The following CPNE4 variants were observed in gnomAD, a reference collection of about 807,000 sequenced individuals.
CPNE4 encodes the protein copine-4.
A neutral mutation model predicts 67.9 loss-of-function variants in CPNE4; 25 were observed. That is an observed-to-expected ratio of 0.37 (90% confidence interval 0.27 to 0.51). CPNE4 has a LOEUF of 0.51. Ranked by LOEUF, CPNE4 falls within the 20% of genes least tolerant of loss-of-function variation. CPNE4 has a pLI of 0.93. For missense variants in CPNE4, 464 were observed against 690.8 expected (o/e 0.67, Z 3.68); for synonymous variants, 242 against 244.9 (o/e 0.99, Z 0.11).
intron 10 of CPNE4, among the ~76,000 whole-genome samples, chr3:131,574,064 G>A (rs1047325674): frequency 3.9e-5 from 6 of 151,938 alleles, no homozygotes; most frequent in Admixed American, 6.6e-5. Context: ...CATCTTCCTT[G>A]GTTCCAGGAA....
intron 2 of CPNE4, among the ~76,000 whole-genome samples, chr3:131,750,751 T>A (rs2082606029): frequency 6.6e-6 from 1 of 152,124 alleles, no homozygotes; most frequent in Non-Finnish European, 1.5e-5. Flanking sequence ...TGCCTTTCCT[T>A]CCTTTTTTGA....
chr3:131,943,284 T>C (rs1003997995), intron 1 of CPNE4, among the ~76,000 whole-genome samples: 2 of 152,148 alleles, frequency 1.3e-5, no homozygotes, highest in Non-Finnish European at 2.9e-5. Flanking sequence ...TCCACTGAGT[T>C]CAGAAGTCTG....
At chr3:131,580,197 G>A (rs1559931699) in intron 9 of CPNE4, among the ~76,000 whole-genome samples, 1 of 152,040 alleles carries the variant, frequency 6.6e-6, no homozygotes, top group East Asian at 1.9e-4. Flanking sequence ...TATGACTGTT[G>A]CATTTTTTAG....
At chr3:131,627,382 T>TGAAGG (rs2079106784) in intron 7 of CPNE4, among the ~76,000 whole-genome samples, 7 of 152,292 alleles carry the variant, frequency 4.6e-5, no homozygotes, top group African/African-American at 1.7e-4. Flanking sequence ...TTCATAATAT[T>TGAAGG]ACTGCTCATT....
At chr3:131,962,184 T>C (rs1361956340) in intron 1 of CPNE4, among the ~76,000 whole-genome samples, 2 of 152,342 alleles carry the variant, frequency 1.3e-5, no homozygotes, top group Non-Finnish European at 1.5e-5. Context: ...TATGATCCCA[T>C]AGCAAGTTGT....
At chr3:131,783,372 T>C (rs1243836986) in intron 2 of CPNE4, among the ~76,000 whole-genome samples, 1 of 152,080 alleles carries the variant, frequency 6.6e-6, no homozygotes, top group South Asian at 2.1e-4. Flanking sequence ...TAAATCTTGA[T>C]GGGGGATTTT....
intron 2 of CPNE4, among the ~76,000 whole-genome samples, chr3:131,844,272 T>C (rs2085910064): frequency 6.6e-6 from 1 of 151,506 alleles, no homozygotes; most frequent in Non-Finnish European, 1.5e-5. Context: ...TTTTTTTTTT[T>C]TTTTCCGAGA....
intron 2 of CPNE4, among the ~76,000 whole-genome samples, chr3:131,785,440 G>A (rs893761698): frequency 1.3e-5 from 2 of 151,882 alleles, no homozygotes; most frequent in African/African-American, 4.8e-5. Flanking sequence ...CTACTGTGAC[G>A]CCATGACCAC....
At chr3:131,891,354 A>T (rs1360641262) in intron 2 of CPNE4, among the ~76,000 whole-genome samples, 1 of 152,072 alleles carries the variant, frequency 6.6e-6, no homozygotes, top group Non-Finnish European at 1.5e-5. Flanking sequence ...TATTTTAGAA[A>T]ATATTCTATA....
intron 5 of CPNE4, among the ~76,000 whole-genome samples, chr3:131,692,252 G>C (rs2081051827): frequency 6.6e-6 from 1 of 152,008 alleles, no homozygotes; most frequent in Admixed American, 6.6e-5. Flanking sequence ...TGTGACTCTG[G>C]GAAATGTCTG....
intron 1 of CPNE4, among the ~76,000 whole-genome samples, chr3:131,938,888 C>T (rs1035968826): frequency 2.0e-5 from 3 of 152,074 alleles, no homozygotes; most frequent in Non-Finnish European, 2.9e-5. Flanking sequence ...GACATTGATG[C>T]TTACCATCAC....
intron 2 of CPNE4, among the ~76,000 whole-genome samples, chr3:131,741,405 T>G (rs554553723): frequency 5.9e-5 from 9 of 152,126 alleles, no homozygotes; most frequent in African/African-American, 2.2e-4. Flanking sequence ...GAAAGGACTC[T>G]CAAATAGAAG....
At chr3:131,723,366 G>C in intron 3 of CPNE4, 80 bp downstream of exon 3, 1 of 1,272,612 alleles carries the variant, frequency 7.9e-7, no homozygotes, top group Non-Finnish European at 1.1e-6. Context: ...GCAAGGATTA[G>C]ATGAAGGAAG....
intron 1 of CPNE4, among the ~76,000 whole-genome samples, chr3:131,971,355 G>C (rs913429534): frequency 1.3e-5 from 2 of 152,158 alleles, no homozygotes; most frequent in Non-Finnish European, 2.9e-5. Context: ...AAGGCATCCA[G>C]CTCTCACAGA....
At chr3:131,672,343 C>T (rs994182619) in intron 6 of CPNE4, among the ~76,000 whole-genome samples, 5 of 152,148 alleles carry the variant, frequency 3.3e-5, no homozygotes, top group African/African-American at 1.2e-4. Context: ...TGGGTATATA[C>T]CTAGCAGTGT....
chr3:131,925,732 T>C (rs536312533), intron 1 of CPNE4, among the ~76,000 whole-genome samples: 36 of 152,208 alleles, frequency 2.4e-4, no homozygotes, highest in Non-Finnish European at 4.6e-4. Flanking sequence ...ATCAACCCTC[T>C]GTAGGATGCA....
intron 7 of CPNE4, among the ~76,000 whole-genome samples, chr3:131,597,835 C>T (rs1413763447): frequency 6.6e-6 from 1 of 152,106 alleles, no homozygotes; most frequent in Admixed American, 6.5e-5. Context: ...AGTATATCCA[C>T]CACTTGAAGG....
intron 2 of CPNE4, among the ~76,000 whole-genome samples, chr3:131,888,201 T>G (rs1025682165): frequency 6.6e-6 from 1 of 152,168 alleles, no homozygotes; most frequent in African/African-American, 2.4e-5. Context: ...CACATAACAG[T>G]AGTAATTGGA....
chr3:131,661,649 T>C (rs1029243196), intron 7 of CPNE4, among the ~76,000 whole-genome samples: 1 of 152,164 alleles, frequency 6.6e-6, no homozygotes, highest in African/African-American at 2.4e-5. Context: ...GACTGAACTA[T>C]TGACAGGCAC....
Sources: allele counts gnomAD v4.1 joint callset (sites outside exome capture counted in the v4.1 genomes callset), GRCh38; gene constraint gnomAD v4.1.1; transcripts MANE v1.5; gene names NCBI Gene and HGNC (gene_info 2026-07-23, HGNC 2026-07-21).